ADCY2: variants seen among roughly 807,000 people sequenced by gnomAD.
ADCY2 encodes adenylate cyclase 2.
Under a neutral mutation model 125.2 loss-of-function variants are expected in ADCY2, and 31 were observed. The ratio of observed to expected loss-of-function variants is 0.25; its 90% CI spans 0.19 to 0.33. The LOEUF (loss-of-function observed/expected upper bound fraction) is 0.33, where lower values mean the gene tolerates loss of function less well. Among genes scored for constraint, ADCY2 ranks in the 10% least tolerant of loss-of-function variants. The probability of loss-of-function intolerance (pLI) is 1.00; values close to 1 mark genes in which losing one functional copy is unlikely to be tolerated. For missense variants in ADCY2, 904 were observed against 1,418.2 expected (o/e 0.64, Z 5.82); for synonymous variants, 512 against 548.4 (o/e 0.93, Z 0.93).
At chr5:7,754,310 T>A (rs959834586) in intron 15 of ADCY2, among the ~76,000 whole-genome samples, 1 of 152,230 alleles carries the variant, frequency 6.6e-6, no homozygotes, top group Non-Finnish European at 1.5e-5. Context: ...AATTTTGTAA[T>A]TTCAAAAATT....
At chr5:7,622,085 A>G (rs1038083401) in intron 3 of ADCY2, among the ~76,000 whole-genome samples, 6 of 152,250 alleles carry the variant, frequency 3.9e-5, no homozygotes, top group African/African-American at 7.2e-5. Flanking sequence ...GGAGACATCA[A>G]GATGGTATGA....
Position 7,684,939 on chromosome 5 carries a change from A to G in ADCY2, c.721-5752A>G, listed in dbSNP as rs1740465893. ...GCCTAGTGACTTTAATATGCACAAA[A>G]CATTCCAGTTTCCTAGGCTGTGAAA... On this transcript the variant is annotated intron_variant, in intron 4 of 24. Transcript: ENST00000338316. Among the ~76,000 whole-genome samples, 2 of 152,204 alleles carry G rather than the reference A, an allele frequency of 1.3e-5. 1 individual carries two copies. The highest frequency in any genetic ancestry group is 4.1e-4 in the South Asian group (2 of 4,828).
chr5:7,778,614 A>G (rs1036346400), intron 18 of ADCY2, among the ~76,000 whole-genome samples: 4 of 152,248 alleles, frequency 2.6e-5, no homozygotes, highest in Admixed American at 6.5e-5. Context: ...CAGGAAGAGC[A>G]TTGGAGATGC....
intron 23 of ADCY2, among the ~76,000 whole-genome samples, chr5:7,819,243 C>T (rs540887763): frequency 5.0e-4 from 76 of 152,294 alleles, no homozygotes; most frequent in African/African-American, 1.8e-3. Flanking sequence ...TGGCAACACC[C>T]TCACAGACAC....
At chr5:7,676,564 A>C (rs1215639083) in intron 4 of ADCY2, among the ~76,000 whole-genome samples, 2 of 152,198 alleles carry the variant, frequency 1.3e-5, no homozygotes, top group Non-Finnish European at 2.9e-5. Flanking sequence ...TACGTCTACA[A>C]CAGTCTTAAA....
At chr5:7,555,779 A>G (rs146208951) in intron 3 of ADCY2, among the ~76,000 whole-genome samples, 1 of 151,824 alleles carries the variant, frequency 6.6e-6, no homozygotes, top group African/African-American at 2.4e-5. Flanking sequence ...TGTTTTCATA[A>G]TGAGACTTAA....
intron 2 of ADCY2, among the ~76,000 whole-genome samples, chr5:7,491,944 T>C (rs1238734550): frequency 1.3e-5 from 2 of 152,240 alleles, no homozygotes; most frequent in Non-Finnish European, 2.9e-5. Context: ...CTAACTGAAC[T>C]TCCTGTGTGT....
At chr5:7,489,373 G>T (rs1442514863) in intron 2 of ADCY2, among the ~76,000 whole-genome samples, 1 of 152,088 alleles carries the variant, frequency 6.6e-6, no homozygotes, top group East Asian at 1.9e-4. Flanking sequence ...GGTTCACCTT[G>T]CCACTCAGCC....
At chr5:7,424,709 C>T (rs769528844) in intron 2 of ADCY2, among the ~76,000 whole-genome samples, 2 of 152,170 alleles carry the variant, frequency 1.3e-5, no homozygotes, top group African/African-American at 4.8e-5. Flanking sequence ...TTTTTCACTC[C>T]TCACATGAAT....
At chr5:7,398,619 A>G (rs1023969691) in intron 1 of ADCY2, among the ~76,000 whole-genome samples, 2 of 152,246 alleles carry the variant, frequency 1.3e-5, no homozygotes, top group Non-Finnish European at 2.9e-5. Flanking sequence ...GTCCTTGGCC[A>G]TACCTAATTC....
At chr5:7,506,942 C>T (rs532404416) in intron 2 of ADCY2, among the ~76,000 whole-genome samples, 2 of 150,754 alleles carry the variant, frequency 1.3e-5, no homozygotes, top group South Asian at 2.1e-4. Context: ...CACCCGCCAC[C>T]ATGCCCGGCT....
intron 22 of ADCY2, among the ~76,000 whole-genome samples, chr5:7,812,839 G>A (rs1308904070): frequency 6.6e-6 from 1 of 152,230 alleles, no homozygotes; most frequent in African/African-American, 2.4e-5. Context: ...TAGCCTGGGA[G>A]GCGGAGGTTG....
At chr5:7,553,221 G>A (rs910337206) in intron 3 of ADCY2, among the ~76,000 whole-genome samples, 1 of 152,168 alleles carries the variant, frequency 6.6e-6, no homozygotes, top group Admixed American at 6.6e-5. Flanking sequence ...GACTGTTCTG[G>A]TGCCTAAATA....
chr5:7,804,069 A>AGAGAGAGAGAGCGAGC (rs1553990875), intron 21 of ADCY2, among the ~76,000 whole-genome samples: 1 of 140,444 alleles, frequency 7.1e-6, no homozygotes, highest in African/African-American at 2.7e-5. Flanking sequence ...AGAGAGAGAG[A>AGAGAGAGAGAGCGAGC]GAGAGCTGGT....
At chr5:7,481,066 T>G (rs1742711511) in intron 2 of ADCY2, among the ~76,000 whole-genome samples, 1 of 152,198 alleles carries the variant, frequency 6.6e-6, no homozygotes, top group Non-Finnish European at 1.5e-5. Flanking sequence ...TATGCTGTTC[T>G]CCATAGTGGT....
intron 2 of ADCY2, among the ~76,000 whole-genome samples, chr5:7,468,108 T>A (rs1742192670): frequency 6.6e-6 from 1 of 152,220 alleles, no homozygotes; most frequent in South Asian, 2.1e-4. Flanking sequence ...GGAAGAATTT[T>A]AAAAAATCAA....
At chr5:7,603,146 T>TA (rs1408694693) in intron 3 of ADCY2, among the ~76,000 whole-genome samples, 1 of 152,190 alleles carries the variant, frequency 6.6e-6, no homozygotes, top group African/African-American at 2.4e-5. Context: ...AAAAGCTACT[T>TA]ACCACAGAGG....
intron 6 of ADCY2, among the ~76,000 whole-genome samples, chr5:7,697,824 C>T (rs555822707): frequency 2.7e-4 from 41 of 152,208 alleles, no homozygotes; most frequent in Non-Finnish European, 5.1e-4. Flanking sequence ...ACCATAAGCA[C>T]AGTAGGGAAG....
intron 20 of ADCY2, among the ~76,000 whole-genome samples, 184 bp downstream of exon 20, chr5:7,789,984 C>T (rs1579438888): frequency 1.3e-5 from 2 of 152,162 alleles, no homozygotes; most frequent in African/African-American, 4.8e-5. Flanking sequence ...GTAGAGATAT[C>T]CGTTGAGAAT....
Sources: gnomAD v4.1 joint callset for allele counts (sites outside exome capture counted in the v4.1 genomes callset) on GRCh38, gnomAD v4.1.1 for gene constraint, MANE v1.5 for transcripts, NCBI Gene and HGNC (gene_info 2026-07-23, HGNC 2026-07-21) for gene names.